LAMB4: variants seen among roughly 807,000 people sequenced by gnomAD.
LAMB4 encodes laminin subunit beta 4.
A neutral mutation model predicts 199.2 loss-of-function variants in LAMB4; 196 were observed. That is an observed-to-expected ratio of 0.98 (90% CI 0.88 to 1.11). LAMB4 has a LOEUF of 1.11. Among genes scored for constraint, LAMB4 ranks in the 50% least tolerant of loss-of-function variants. LAMB4 has a pLI of 0.00. For missense variants in LAMB4, 2,080 were observed against 2,171.2 expected, an observed-to-expected ratio of 0.96 and a Z score of 0.83; for synonymous variants, 744 against 770.6, an observed-to-expected ratio of 0.97 and a Z score of 0.57.
chr7:108,063,007 A>G lies in LAMB4; in HGVS notation c.3062-13T>C. The G allele has an allele frequency of 1.3e-6, 2 of 1,521,530 alleles. No individual in the cohort carries two copies. The highest frequency in any genetic ancestry group is 2.5e-5 in the South Asian group (2 of 79,368). The allele number at this position is 1,521,530 out of a possible 1,614,324, so 94.3% of individuals were successfully genotyped here. On this transcript the variant is annotated splice_polypyrimidine_tract_variant and intron_variant, in intron 22 of 33. Coordinates refer to ENST00000388781, the MANE Select transcript of LAMB4 (RefSeq NM_007356.3). ...TGGCAGGAGCATCCTGTGATGACAA[A>G]ACCATCATCAGAGGTAAATTCAATG... is the stretch of plus-strand genomic sequence containing the variant.
chr7:108,104,676 G>T, intron 8 of LAMB4, 57 bp from the exon 9 acceptor site: 1 of 1,582,364 alleles, frequency 6.3e-7, no homozygotes, highest in South Asian at 1.2e-5. Flanking sequence ...GGACGTTGGG[G>T]TTCTTTAAAT....
At chr7:108,120,328 A>G (rs1335796146) in intron 2 of LAMB4, among the ~76,000 whole-genome samples, 1 of 152,226 alleles carries the variant, frequency 6.6e-6, no homozygotes, top group African/African-American at 2.4e-5. Context: ...CACATGAACT[A>G]TTAATCTAGT....
intron 11 of LAMB4, among the ~76,000 whole-genome samples, chr7:108,096,939 CAAAAAAAAAAAAAAAAAA>C: frequency 1.9e-5 from 1 of 52,836 alleles, no homozygotes; most frequent in African/African-American, 7.9e-5. Flanking sequence ...CTGTCTCTCT[CAAAAAAAAAAAAAAAAAA>C]AAAAAAAAAA....
At chr7:108,092,958 G>A (rs2037465821) in intron 12 of LAMB4, among the ~76,000 whole-genome samples, 1 of 152,190 alleles carries the variant, frequency 6.6e-6, no homozygotes, top group Non-Finnish European at 1.5e-5. Context: ...AATGTGTCAA[G>A]TGGAAAAGAA....
At chr7:108,104,718 C>CAT in intron 8 of LAMB4, 99 bp from the exon 9 acceptor site, 1 of 1,348,110 alleles carries the variant, frequency 7.4e-7, no homozygotes, top group Non-Finnish European at 1.0e-6. Flanking sequence ...TGGTACCTCT[C>CAT]TGATCCTTAG....
chr7:108,094,452 C>CA (rs1319421552), intron 12 of LAMB4, among the ~76,000 whole-genome samples: 1 of 151,734 alleles, frequency 6.6e-6, no homozygotes, highest in Non-Finnish European at 1.5e-5. Context: ...ATCCTGTTTT[C>CA]AGTAAAATGA....
intron 1 of LAMB4, among the ~76,000 whole-genome samples, chr7:108,126,946 C>A (rs893073923): frequency 2.6e-5 from 4 of 152,110 alleles, no homozygotes; most frequent in African/African-American, 9.7e-5. Flanking sequence ...TCAGGCCCAC[C>A]TCAAACTAAT....
chr7:108,038,106 G>A (rs992498892), intron 29 of LAMB4, among the ~76,000 whole-genome samples: 1 of 152,062 alleles, frequency 6.6e-6, no homozygotes, highest in African/African-American at 2.4e-5. Context: ...CCTATTCTGG[G>A]ATTGGAGTGA....
At chr7:108,126,554 C>T (rs201668300) in intron 1 of LAMB4, among the ~76,000 whole-genome samples, 17 of 83,526 alleles carry the variant, frequency 2.0e-4, no homozygotes, top group African/African-American at 3.0e-4. Flanking sequence ...GAATTTCTTT[C>T]TTTTTTTTTT....
intron 1 of LAMB4, among the ~76,000 whole-genome samples, chr7:108,126,789 C>T (rs1377903009): frequency 6.6e-6 from 1 of 150,710 alleles, no homozygotes; most frequent in Non-Finnish European, 1.5e-5. Context: ...AGGATGGTCT[C>T]GATCTCCTGA....
intron 30 of LAMB4, 126 bp from the exon 31 acceptor site, chr7:108,034,472 TAAAC>T: frequency 2.7e-6 from 2 of 740,274 alleles, no homozygotes; most frequent in Non-Finnish European, 4.4e-6. Context: ...AAATTACTCT[TAAAC>T]AAGAGAAAGT....
chr7:108,100,566 A>G (rs2037780892), intron 10 of LAMB4, among the ~76,000 whole-genome samples: 1 of 152,208 alleles, frequency 6.6e-6, no homozygotes, highest in African/African-American at 2.4e-5. Flanking sequence ...CTTTCATACC[A>G]GGAGTACTAG....
At chr7:108,017,981 T>C in the LAMB4 span, among the ~76,000 whole-genome samples, 1 of 152,242 alleles carries the variant, frequency 6.6e-6, no homozygotes, top group African/African-American at 2.4e-5. Context: ...GGACAAACCA[T>C]GCTCTTCGCA....
intron 2 of LAMB4, among the ~76,000 whole-genome samples, chr7:108,119,022 A>C (rs1049530342): frequency 2.0e-5 from 3 of 152,250 alleles, no homozygotes; most frequent in Non-Finnish European, 4.4e-5. Context: ...ACAGATGGCA[A>C]ATAAACACAT....
At chr7:108,099,579 A>T (rs753308096) in intron 10 of LAMB4, among the ~76,000 whole-genome samples, 7 of 152,172 alleles carry the variant, frequency 4.6e-5, no homozygotes, top group Non-Finnish European at 8.8e-5. Context: ...TGGGCATTAG[A>T]TGACCACCAA....
chr7:108,064,793 G>C (rs1027761841), intron 21 of LAMB4, among the ~76,000 whole-genome samples: 1 of 151,882 alleles, frequency 6.6e-6, no homozygotes, highest in Non-Finnish European at 1.5e-5. Flanking sequence ...ATTATCATTA[G>C]TATTGCCATA....
chr7:108,100,373 C>G (rs577164031), intron 10 of LAMB4, among the ~76,000 whole-genome samples: 2 of 152,064 alleles, frequency 1.3e-5, no homozygotes, highest in Non-Finnish European at 2.9e-5. Context: ...ACAAGGACAA[C>G]TTAGAGAAAA....
intron 3 of LAMB4, among the ~76,000 whole-genome samples, chr7:108,113,563 C>G (rs965409768): frequency 2.0e-5 from 3 of 152,186 alleles, no homozygotes; most frequent in Non-Finnish European, 4.4e-5. Flanking sequence ...AGGCCCATCC[C>G]AGTGACCAGT....
downstream of LAMB4, chr7:108,023,420 A>C (rs902083646): frequency 3.3e-5 from 5 of 152,232 alleles, no homozygotes; most frequent in Non-Finnish European, 1.5e-5. Flanking sequence ...TAAAGCAAAA[A>C]TGTCCACTGA....
Sources: gnomAD v4.1 joint callset for allele counts (sites outside exome capture counted in the v4.1 genomes callset) on GRCh38, gnomAD v4.1.1 for gene constraint, MANE v1.5 for transcripts, NCBI Gene and HGNC (gene_info 2026-07-23, HGNC 2026-07-21) for gene names.